Variants in BRAF observed in about 807,000 individuals in gnomAD.
The protein encoded by BRAF is B-Raf proto-oncogene, serine/threonine kinase.
Under a neutral mutation model 104.6 loss-of-function variants are expected in BRAF, and 16 were observed. That is an observed-to-expected ratio of 0.15 (90% confidence interval 0.10 to 0.23). BRAF has a LOEUF of 0.23. Among genes scored for constraint, BRAF ranks in the 10% least tolerant of loss-of-function variants. The pLI is 1.00. For synonymous variants in BRAF, 310 were observed against 341.6 expected (o/e 0.91, Z 1.02); for missense variants, 541 against 937.3 (o/e 0.58, Z 5.52).
Position 140,720,136 on chromosome 7 carries a change from C to G in BRAF, c.*6358G>C. 9.4e-7 allele frequency: 1 copy of G among 1,061,132 alleles called. No individual in the cohort carries two copies. Among genetic ancestry groups the G allele is most frequent in the Non-Finnish European group, 1.1e-6 (1 of 876,706 alleles). The allele number at this position is 1,061,132 out of a possible 1,614,324, so 65.7% of individuals were successfully genotyped here. A position where few individuals can be genotyped will look rare whatever the true frequency, so the allele number is the denominator to read the frequency against. On this transcript the variant is annotated 3_prime_UTR_variant, in exon 20 of 20. Coordinates refer to ENST00000644969, the MANE Select transcript of BRAF (RefSeq NM_001374258.1). Reference sequence around the variant, plus strand: ...GTTGATGAATGATCAAATTCAATCCCCTGATCAGTTGTATGATCCTATCTT... The same window carrying G: ...GTTGATGAATGATCAAATTCAATCCGCTGATCAGTTGTATGATCCTATCTT...
At chr7:140,780,172 C>T (rs1407344329) in intron 12 of BRAF, among the ~76,000 whole-genome samples, 1 of 149,656 alleles carries the variant, frequency 6.7e-6, no homozygotes, top group Admixed American at 6.7e-5. Flanking sequence ...TAGGCTTTTA[C>T]ATGAATTTAG....
intron 11 of BRAF, among the ~76,000 whole-genome samples, chr7:140,782,463 CAA>C (rs56390228): frequency 7.7e-5 from 8 of 103,552 alleles, no homozygotes; most frequent in Non-Finnish European, 9.3e-5. Flanking sequence ...TCGGTCTTTC[CAA>C]AAAAAAAAAA....
At chr7:140,733,929 C>T (rs1055866218) in intron 19 of BRAF, 6 of 852,372 alleles carry the variant, frequency 7.0e-6, no homozygotes, top group African/African-American at 3.7e-5. Flanking sequence ...AACATTTTCC[C>T]GCTAAAAATC....
intron 1 of BRAF, among the ~76,000 whole-genome samples, chr7:140,916,012 G>C (rs1817594616): frequency 6.6e-6 from 1 of 151,742 alleles, no homozygotes; most frequent in South Asian, 2.1e-4. Flanking sequence ...AAAACCCAAG[G>C]ATTTTTTTTA....
chr7:140,821,009 G>A (rs1157696116), intron 3 of BRAF, among the ~76,000 whole-genome samples: 1 of 152,196 alleles, frequency 6.6e-6, no homozygotes, highest in Non-Finnish European at 1.5e-5. Context: ...GATCTAGAAA[G>A]TCTTTTTTTA....
intron 3 of BRAF, among the ~76,000 whole-genome samples, chr7:140,813,747 A>G (rs940851825): frequency 1.3e-5 from 2 of 152,218 alleles, no homozygotes; most frequent in South Asian, 4.1e-4. Context: ...AAAACAAAAT[A>G]CAGAATGATA....
At chr7:140,831,794 T>C (rs903115331) in intron 3 of BRAF, among the ~76,000 whole-genome samples, 6 of 152,220 alleles carry the variant, frequency 3.9e-5, no homozygotes, top group African/African-American at 1.4e-4. Flanking sequence ...ACCTTCAAAA[T>C]ATTCATATTT....
At chr7:140,748,372 C>T (rs1797521899) in intron 17 of BRAF, among the ~76,000 whole-genome samples, 1 of 152,086 alleles carries the variant, frequency 6.6e-6, no homozygotes, top group Non-Finnish European at 1.5e-5. Flanking sequence ...CAACTTTGGT[C>T]TGTATTAGAA....
intron 13 of BRAF, 151 bp downstream of exon 12, chr7:140,777,840 T>C: frequency 1.2e-6 from 1 of 803,954 alleles, no homozygotes; most frequent in East Asian, 2.7e-5. Flanking sequence ...AAGAATGTGG[T>C]TAAAGACAAA....
chr7:140,714,402 T>G (rs1795094238), downstream of BRAF, among the ~76,000 whole-genome samples: 1 of 152,186 alleles, frequency 6.6e-6, no homozygotes, highest in African/African-American at 2.4e-5. Flanking sequence ...GGGTCTGTCT[T>G]AGTCACCCAG....
chr7:140,751,889 A>T (rs1422501867), intron 16 of BRAF, among the ~76,000 whole-genome samples: 1 of 152,168 alleles, frequency 6.6e-6, no homozygotes, highest in Non-Finnish European at 1.5e-5. Context: ...AGTGCAGATT[A>T]AGTTATTTAA....
chr7:140,921,578 TTTAAG>T (rs1818226775), intron 1 of BRAF, among the ~76,000 whole-genome samples: 1 of 152,098 alleles, frequency 6.6e-6, no homozygotes, highest in African/African-American at 2.4e-5. Flanking sequence ...AAATTTTTGC[TTTAAG>T]TTTTTTAAAA....
At position 140,725,249 on chromosome 7, in the gene BRAF, T is replaced by C; in HGVS notation, c.*1245A>G. ...TCAGTTGGAAGAAACAATGAGATTATTAGCAAAGATGTTAGTGTGGATCCA... is the reference window on the plus strand; with the variant it reads ...TCAGTTGGAAGAAACAATGAGATTACTAGCAAAGATGTTAGTGTGGATCCA... On this transcript the variant is annotated 3_prime_UTR_variant, in exon 20 of 20. Coordinates refer to ENST00000644969, the MANE Select transcript of BRAF (RefSeq NM_001374258.1). The C allele has an allele frequency of 9.6e-7, 1 of 1,045,032 alleles. No homozygotes were observed. The highest frequency in any genetic ancestry group is 1.2e-6 in the Non-Finnish European group (1 of 866,198). The allele number at this position is 1,045,032 out of a possible 1,614,324, so 64.7% of individuals were successfully genotyped here. A position where few individuals can be genotyped will look rare whatever the true frequency, so the allele number is the denominator to read the frequency against.
rs1795332693 is a variant in BRAF at position 140,721,687 on chromosome 7, G to A, written c.*4807C>T. ...CGATGGGCATCAGTAATCCATCCCA[G>A]TATAACATTTCAAGGATGTGCTGGA... On this transcript the variant is annotated 3_prime_UTR_variant, in exon 20 of 20. Transcript: ENST00000644969. The A allele has an allele frequency of 6.5e-7, 1 of 1,533,926 alleles. No individual in the cohort carries two copies. The highest frequency in any genetic ancestry group is 8.7e-7 in the Non-Finnish European group (1 of 1,145,902).
chr7:140,755,459 G>A (rs183786625), intron 14 of BRAF, among the ~76,000 whole-genome samples: 9 of 152,144 alleles, frequency 5.9e-5, no homozygotes, highest in South Asian at 2.1e-4. Context: ...TCATTTAAAC[G>A]TCCTCATTCT....
At chr7:140,769,241 T>A (rs1370931049) in intron 14 of BRAF, among the ~76,000 whole-genome samples, 1 of 151,960 alleles carries the variant, frequency 6.6e-6, no homozygotes, top group Non-Finnish European at 1.5e-5. Flanking sequence ...CATGCCCAGC[T>A]GATTTTTTGT....
At chr7:140,766,907 G>A (rs1319434355) in intron 14 of BRAF, among the ~76,000 whole-genome samples, 1 of 152,052 alleles carries the variant, frequency 6.6e-6, no homozygotes, top group Non-Finnish European at 1.5e-5. Context: ...TACCCAAGCT[G>A]GTCTCCAACT....
chr7:140,774,281 A>C (rs1388093432), intron 14 of BRAF, among the ~76,000 whole-genome samples: 1 of 152,246 alleles, frequency 6.6e-6, no homozygotes, highest in Non-Finnish European at 1.5e-5. Context: ...CATCATGTTA[A>C]ATGGTAAGAT....
In BRAF at chr7:140,753,332, T is replaced by A. The variant is rs121913365; in HGVS notation, c.1923A>T (p.Lys641Asn). ...KIGDFGLATV[K>N]SRWSGSHQFE... ...ACTGATGGGACCCACTCCATCGAGA[T>A]TTCACTGTAGCTAGACCAAAATCAC... The change falls in exon 16 of 20, where the codon AAA becomes AAT. Residue 641 changes from lysine to asparagine, a missense_variant. Physicochemically the swap from Lys to Asn is moderately conservative, Grantham distance 94. Transcript: ENST00000644969. 1.2e-6 allele frequency: 2 copies of A among 1,612,878 alleles called. No homozygotes were observed. The highest frequency in any genetic ancestry group is 8.5e-7 in the Non-Finnish European group (1 of 1,179,176).
Sources: gnomAD v4.1 joint callset for allele counts (sites outside exome capture counted in the v4.1 genomes callset) on GRCh38, gnomAD v4.1.1 for gene constraint, MANE v1.5 for transcripts, NCBI Gene and HGNC (gene_info 2026-07-23, HGNC 2026-07-21) for gene names.